CDK19: variants seen among roughly 807,000 people sequenced by gnomAD.
CDK19 encodes the protein cyclin dependent kinase 19, also known as cyclin-dependent kinase 19.
In CDK19, 20 loss-of-function variants were observed where a neutral mutation model predicts 68.3. The observed-to-expected ratio is 0.29, with a 90% CI of 0.21 to 0.43. The LOEUF is 0.43. CDK19 is among the 20% of genes least tolerant of loss of function. The pLI, the probability that CDK19 is intolerant of heterozygous loss-of-function variation, is 1.00. For synonymous variants in CDK19, 221 were observed against 222.8 expected (o/e 0.99, Z 0.07); for missense variants, 339 against 623.5 (o/e 0.54, Z 4.86).
At chr6:110,676,303 G>T (rs1187284400) in intron 2 of CDK19, among the ~76,000 whole-genome samples, 1 of 152,138 alleles carries the variant, frequency 6.6e-6, no homozygotes, top group East Asian at 1.9e-4. Flanking sequence ...GATGGGCAAA[G>T]AAAGTGATTT....
At chr6:110,746,331 CTTA>C (rs1778074839) in intron 1 of CDK19, 130 bp from the exon 2 acceptor site, 2 of 490,236 alleles carry the variant, frequency 4.1e-6, no homozygotes, top group Non-Finnish European at 7.2e-6. Flanking sequence ...CCATGTATTG[CTTA>C]TTATTTTTGA....
Position 110,713,068 on chromosome 6 carries a change from G to A in CDK19, c.204+33058C>T, listed in dbSNP as rs946897708. On this transcript the variant is annotated intron_variant, in intron 2 of 12. Transcript: ENST00000368911. The stretch of plus-strand genomic sequence containing the variant: ...AAAAATTAGCTGGGCGTGGTGGCGC[G>A]CGCCTGTAATCCCAGCTACTTAGGA... Among the ~76,000 whole-genome samples, 30 of 151,846 alleles carry A rather than the reference G, an allele frequency of 2.0e-4. 1 individual carries two copies. Among genetic ancestry groups the A allele is most frequent in the Admixed American group, 1.1e-3 (17 of 15,256 alleles).
At chr6:110,751,335 G>A (rs1056385681) in intron 1 of CDK19, among the ~76,000 whole-genome samples, 5 of 152,052 alleles carry the variant, frequency 3.3e-5, no homozygotes, top group East Asian at 1.9e-4. Flanking sequence ...GATCAGTGGC[G>A]GCATTAGATT....
At chr6:110,643,419 A>C in intron 4 of CDK19, 1 of 277,014 alleles carries the variant, frequency 3.6e-6, no homozygotes, top group Admixed American at 5.3e-5. Context: ...AGAACTGGAG[A>C]TCATCACATT....
chr6:110,815,223 T>C lies in CDK19; in HGVS notation c.-87A>G. 1 of 1,341,222 alleles carries C rather than the reference T, an allele frequency of 7.5e-7. No homozygotes were observed. Among genetic ancestry groups the C allele is most frequent in the Non-Finnish European group, 9.6e-7 (1 of 1,039,298 alleles). 83.1% of individuals were successfully genotyped at this position (1,341,222 alleles called of 1,614,324 possible). A position where few individuals can be genotyped will look rare whatever the true frequency, so the allele number is the denominator to read the frequency against. On this transcript the variant is annotated 5_prime_UTR_variant, in exon 1 of 13. Coordinates refer to ENST00000368911, the MANE Select transcript of CDK19 (RefSeq NM_015076.5). The stretch of plus-strand genomic sequence containing the variant: ...CCTCCCCCCGCGACCGCCGCTCCAC[T>C]TCTCCAACAGCCGCCTCTCGCGCGC...
At chr6:110,616,575 G>A (rs927821270) in intron 12 of CDK19, among the ~76,000 whole-genome samples, 1 of 151,980 alleles carries the variant, frequency 6.6e-6, no homozygotes, top group African/African-American at 2.4e-5. Context: ...GGCTGAGGCA[G>A]GAGAATCGCT....
At chr6:110,643,148 C>A in intron 4 of CDK19, 2 of 1,263,458 alleles carry the variant, frequency 1.6e-6, no homozygotes, top group Non-Finnish European at 2.1e-6. Context: ...CTAGATGCTA[C>A]CAGTAGAAGC....
intron 2 of CDK19, among the ~76,000 whole-genome samples, chr6:110,716,239 T>C (rs1335880426): frequency 2.0e-5 from 3 of 152,140 alleles, no homozygotes; most frequent in East Asian, 1.9e-4. Context: ...AACATAAATA[T>C]GCAAACACAT....
chr6:110,615,396 T>C (rs1182599920), intron 12 of CDK19, among the ~76,000 whole-genome samples: 1 of 152,212 alleles, frequency 6.6e-6, no homozygotes, highest in Non-Finnish European at 1.5e-5. Context: ...AAATCATCTA[T>C]AGAATAAGAA....
intron 1 of CDK19, among the ~76,000 whole-genome samples, chr6:110,792,568 C>T (rs1432390258): frequency 2.0e-5 from 3 of 152,124 alleles, no homozygotes; most frequent in East Asian, 3.9e-4. Context: ...CCACCACGCC[C>T]GGCTAATTTT....
At chr6:110,666,969 C>T (rs1438737498) in intron 4 of CDK19, among the ~76,000 whole-genome samples, 1 of 151,880 alleles carries the variant, frequency 6.6e-6, no homozygotes, top group African/African-American at 2.4e-5. Context: ...GTATATACCA[C>T]CTGTTAGATT....
At chr6:110,756,632 T>C (rs896787858) in intron 1 of CDK19, among the ~76,000 whole-genome samples, 1 of 151,958 alleles carries the variant, frequency 6.6e-6, no homozygotes, top group African/African-American at 2.4e-5. Flanking sequence ...TTAATGAATA[T>C]GTATGCATAT....
chr6:110,770,360 G>A (rs547034355), intron 1 of CDK19, among the ~76,000 whole-genome samples: 5 of 152,266 alleles, frequency 3.3e-5, no homozygotes, highest in South Asian at 4.1e-4. Flanking sequence ...AGCAGGAGGC[G>A]AAAGGCACTT....
intron 2 of CDK19, among the ~76,000 whole-genome samples, chr6:110,723,166 A>G (rs1776063928): frequency 6.9e-6 from 1 of 144,842 alleles, no homozygotes; most frequent in Non-Finnish European, 1.5e-5. Flanking sequence ...AAAAAAACGC[A>G]GATTTGTCCT....
chr6:110,638,866 T>C (rs1320006226), intron 4 of CDK19, among the ~76,000 whole-genome samples, 160 bp from the exon 5 acceptor site: 4 of 152,248 alleles, frequency 2.6e-5, no homozygotes, highest in Non-Finnish European at 5.9e-5. Flanking sequence ...TTTGACATAA[T>C]TGAAGTCAGC....
chr6:110,754,025 G>A (rs1778662989), intron 1 of CDK19, among the ~76,000 whole-genome samples: 1 of 149,440 alleles, frequency 6.7e-6, no homozygotes, highest in African/African-American at 2.5e-5. Context: ...TTCTAAAATT[G>A]GCAAATTCTT....
At chr6:110,814,696 A>G (rs992865898) in intron 1 of CDK19, 2 of 566,648 alleles carry the variant, frequency 3.5e-6, no homozygotes, top group Admixed American at 4.4e-5. Context: ...ACTAGACCCC[A>G]CAAACTCCTC....
intron 4 of CDK19, among the ~76,000 whole-genome samples, chr6:110,667,058 G>C (rs894511180): frequency 7.9e-5 from 12 of 151,852 alleles, no homozygotes; most frequent in African/African-American, 2.9e-4. Flanking sequence ...TAGATCTTAA[G>C]GGAAAGAAAA....
intron 1 of CDK19, among the ~76,000 whole-genome samples, chr6:110,781,099 C>T (rs557069184): frequency 6.6e-6 from 1 of 152,160 alleles, no homozygotes; most frequent in East Asian, 1.9e-4. Context: ...TTTTGCGTTG[C>T]TATAAAGGAA....
Sources: gnomAD v4.1 joint callset for allele counts (sites outside exome capture counted in the v4.1 genomes callset) on GRCh38, gnomAD v4.1.1 for gene constraint, MANE v1.5 for transcripts, NCBI Gene and HGNC (gene_info 2026-07-23, HGNC 2026-07-21) for gene names.